The following LMX1B variants were observed in gnomAD, a reference collection of about 807,000 sequenced individuals.
LMX1B encodes the protein LIM homeobox transcription factor 1-beta.
A neutral mutation model predicts 51.4 loss-of-function variants in LMX1B; 12 were observed. The ratio of observed to expected loss-of-function variants is 0.23; its 90% CI spans 0.15 to 0.38. The LOEUF is 0.38. Ranked by LOEUF, LMX1B falls within the 10% of genes least tolerant of loss-of-function variation. The probability of loss-of-function intolerance (pLI) is 1.00; values close to 1 mark genes in which losing one functional copy is unlikely to be tolerated. For synonymous variants in LMX1B, 237 were observed against 235.4 expected, an observed-to-expected ratio of 1.01 and a Z score of -0.06; for missense variants, 445 against 571.1, an observed-to-expected ratio of 0.78 and a Z score of 2.25.
chr9:126,678,637 C>A (rs75730725), intron 2 of LMX1B, among the ~76,000 whole-genome samples: 2 of 152,296 alleles, frequency 1.3e-5, no homozygotes, highest in Non-Finnish European at 2.9e-5. Flanking sequence ...GTAAAATAAT[C>A]CATACAAAAT....
chr9:126,639,918 A>C (rs1835777558), intron 2 of LMX1B, among the ~76,000 whole-genome samples: 1 of 152,180 alleles, frequency 6.6e-6, no homozygotes, highest in Non-Finnish European at 1.5e-5. Flanking sequence ...TTTATACCTC[A>C]ATGTGTTTGA....
At chr9:126,664,236 A>G (rs1024097458) in intron 2 of LMX1B, among the ~76,000 whole-genome samples, 1 of 152,058 alleles carries the variant, frequency 6.6e-6, no homozygotes, top group Non-Finnish European at 1.5e-5. Flanking sequence ...CCCTCCCCCA[A>G]CGCTCTGTGT....
At chr9:126,643,590 A>G (rs981685238) in intron 2 of LMX1B, among the ~76,000 whole-genome samples, 8 of 152,212 alleles carry the variant, frequency 5.3e-5, no homozygotes, top group Non-Finnish European at 1.5e-5. Flanking sequence ...CATAGCAATC[A>G]TTCATTATCC....
intron 2 of LMX1B, among the ~76,000 whole-genome samples, chr9:126,678,428 G>A (rs890241941): frequency 9.2e-5 from 14 of 152,130 alleles, no homozygotes; most frequent in African/African-American, 3.1e-4. Context: ...GCAAGAAGGA[G>A]CTCACTTAGT....
intron 2 of LMX1B, among the ~76,000 whole-genome samples, chr9:126,657,096 C>A (rs1435184401): frequency 6.6e-6 from 1 of 152,212 alleles, no homozygotes; most frequent in African/African-American, 2.4e-5. Context: ...TTTTAAGCAG[C>A]ACTTGTGCAA....
At chr9:126,633,316 A>C (rs570605317) in intron 2 of LMX1B, among the ~76,000 whole-genome samples, 2 of 152,096 alleles carry the variant, frequency 1.3e-5, no homozygotes, top group Non-Finnish European at 2.9e-5. Flanking sequence ...AGGTATGACA[A>C]CCTCTGCCCA....
chr9:126,649,811 A>G (rs981700670), intron 2 of LMX1B, among the ~76,000 whole-genome samples: 1 of 152,048 alleles, frequency 6.6e-6, no homozygotes, highest in Non-Finnish European at 1.5e-5. Context: ...ATTTTTGTGT[A>G]GAGACCAGGT....
rs555007023 is a variant in LMX1B at position 126,696,186 on chromosome 9, G to A, written c.1052-108G>A. 11 of 1,268,386 alleles carry A rather than the reference G, an allele frequency of 8.7e-6. No individual in the cohort carries two copies. In the South Asian group the frequency reaches 9.6e-5, roughly 11 times the overall value. 78.6% of individuals were successfully genotyped at this position (1,268,386 alleles called of 1,614,324 possible). On this transcript the variant is annotated intron_variant, in intron 7 of 7. Coordinates refer to ENST00000373474, the MANE Select transcript of LMX1B (RefSeq NM_001174147.2). ...CTTCTTGGCCGGCACTAGTCAGCAG[G>A]CCATCCTGTCTCTCCCTGGCCTCCA...
chr9:126,621,318 C>T (rs552586068), intron 2 of LMX1B, among the ~76,000 whole-genome samples: 19 of 152,350 alleles, frequency 1.2e-4, no homozygotes, highest in Admixed American at 2.0e-4. Flanking sequence ...ACCCAGGGCC[C>T]TTGGCTGTCT....
chr9:126,672,989 C>T (rs2118949404), intron 2 of LMX1B, among the ~76,000 whole-genome samples: 1 of 152,378 alleles, frequency 6.6e-6, no homozygotes, highest in East Asian at 1.9e-4. Context: ...GTGGACTCCT[C>T]GCCCACACAA....
intron 2 of LMX1B, among the ~76,000 whole-genome samples, chr9:126,622,300 T>C (rs1018533360): frequency 6.6e-6 from 1 of 152,038 alleles, no homozygotes; most frequent in African/African-American, 2.4e-5. Context: ...GAAACAAAGA[T>C]GTTTGCTTCC....
In LMX1B at chr9:126,615,238, C is replaced by A; in HGVS notation, c.140-145C>A. 3.1e-6 allele frequency: 1 copy of A among 325,780 alleles called. No homozygotes were observed. Among genetic ancestry groups the A allele is most frequent in the Non-Finnish European group, 4.8e-6 (1 of 206,940 alleles). The allele number at this position is 325,780 out of a possible 1,614,324, so 20.2% of individuals were successfully genotyped here. ...AGCCGGGGCCGCCCGGCCCCTGGCG[C>A]GGCGGTCCGGGGAGCGCAGGCGGCA... is the stretch of plus-strand genomic sequence containing the variant. On this transcript the variant is annotated intron_variant, in intron 1 of 7. Coordinates refer to ENST00000373474, the MANE Select transcript of LMX1B (RefSeq NM_001174147.2). The surrounding 1 kb of genome is among the most constrained non-coding windows in gnomAD (Gnocchi z 6.0).
chr9:126,685,262 GA>G (rs1836749138), intron 2 of LMX1B, among the ~76,000 whole-genome samples: 1 of 152,156 alleles, frequency 6.6e-6, no homozygotes, highest in Admixed American at 6.5e-5. Context: ...AAGCACTAAG[GA>G]GGCAAGAAGG....
chr9:126,670,853 G>T (rs769820056), intron 2 of LMX1B, among the ~76,000 whole-genome samples: 2 of 152,188 alleles, frequency 1.3e-5, no homozygotes, highest in Non-Finnish European at 2.9e-5. Flanking sequence ...TCTTAAAGTC[G>T]CAGTTCCCAA....
chr9:126,696,240 G>T, intron 7 of LMX1B, 54 bp from the exon 8 acceptor site: 2 of 1,575,800 alleles, frequency 1.3e-6, no homozygotes, highest in Non-Finnish European at 1.7e-6. Context: ...CAAACAGGGG[G>T]CCCCCAGGAG....
At chr9:126,664,023 G>A (rs958597168) in intron 2 of LMX1B, among the ~76,000 whole-genome samples, 2 of 152,162 alleles carry the variant, frequency 1.3e-5, no homozygotes, top group South Asian at 4.1e-4. Flanking sequence ...GCCCTCCCAC[G>A]CCAGCTGCAC....
At chr9:126,667,022 C>T (rs1836353207) in intron 2 of LMX1B, among the ~76,000 whole-genome samples, 1 of 152,152 alleles carries the variant, frequency 6.6e-6, no homozygotes, top group Non-Finnish European at 1.5e-5. Flanking sequence ...TTTTATATTA[C>T]AAAATCGTTG....
intron 2 of LMX1B, among the ~76,000 whole-genome samples, chr9:126,672,689 C>A (rs1308426893): frequency 6.6e-6 from 1 of 152,128 alleles, no homozygotes; most frequent in African/African-American, 2.4e-5. Context: ...CTTCTCAGAC[C>A]CAGCATGTGC....
intron 2 of LMX1B, among the ~76,000 whole-genome samples, chr9:126,620,299 G>A (rs530359227): frequency 5.9e-5 from 9 of 152,272 alleles, no homozygotes; most frequent in African/African-American, 2.2e-4. Flanking sequence ...TCAGACCTGA[G>A]TTCACCTCCC....
Sources: allele counts gnomAD v4.1 joint callset (sites outside exome capture counted in the v4.1 genomes callset), GRCh38; gene constraint gnomAD v4.1.1; non-coding constraint Gnocchi (gnomAD v3.1); transcripts MANE v1.5; gene names NCBI Gene and HGNC (gene_info 2026-07-23, HGNC 2026-07-21).